The following GYS2 variants were observed in gnomAD, a reference collection of about 807,000 sequenced individuals.
The protein encoded by GYS2 is glycogen [starch] synthase, liver.
A neutral mutation model predicts 85.6 loss-of-function variants in GYS2; 80 were observed. The observed-to-expected ratio is 0.93, with a 90% CI of 0.78 to 1.13. GYS2 has a LOEUF of 1.13. GYS2 is among the 50% of genes most tolerant of loss of function. The pLI is 0.00. For missense variants in GYS2, 881 were observed against 854.9 expected, an observed-to-expected ratio of 1.03 and a Z score of -0.38; for synonymous variants, 328 against 300.7, an observed-to-expected ratio of 1.09 and a Z score of -0.94.
chr12:21,602,036 C>A (rs118109038), intron 1 of GYS2, among the ~76,000 whole-genome samples: 10 of 152,002 alleles, frequency 6.6e-5, no homozygotes, highest in Non-Finnish European at 1.5e-4. Context: ...TCCTAAGAAA[C>A]CTTTTGTTTT....
chr12:21,574,937 T>C (rs1217943234), intron 3 of GYS2, among the ~76,000 whole-genome samples: 1 of 152,024 alleles, frequency 6.6e-6, no homozygotes, highest in Admixed American at 6.5e-5. Context: ...AAAGTGACTT[T>C]TACAATATCA....
rs1275709125 is a variant in GYS2 at position 21,546,339 on chromosome 12, C to A, written c.1549+5G>T. 41 of 1,594,096 alleles carry A rather than the reference C, an allele frequency of 2.6e-5. No homozygotes were observed. Among genetic ancestry groups the A allele is most frequent in the Non-Finnish European group, 3.5e-5 (41 of 1,162,650 alleles). On this transcript the variant is annotated splice_donor_5th_base_variant and intron_variant, in intron 12 of 15. Coordinates refer to ENST00000261195, the MANE Select transcript of GYS2 (RefSeq NM_021957.4). ...AACATTCCACACTCTATACATGACA[C>A]ATACCTGGAGTATAACCCCAGGGTT...
intron 5 of GYS2, among the ~76,000 whole-genome samples, chr12:21,565,428 T>C (rs1189467681): frequency 4.8e-5 from 6 of 123,890 alleles, no homozygotes; most frequent in Non-Finnish European, 8.9e-5. Flanking sequence ...TATATATATA[T>C]ATATATGGAT....
intron 1 of GYS2, among the ~76,000 whole-genome samples, chr12:21,597,647 C>T (rs1944711413): frequency 6.6e-6 from 1 of 151,892 alleles, no homozygotes; most frequent in Admixed American, 6.6e-5. Context: ...TGTAGATTTA[C>T]CAAAAAGCTA....
intron 1 of GYS2, among the ~76,000 whole-genome samples, chr12:21,602,494 C>G (rs1199036582): frequency 6.6e-6 from 1 of 151,898 alleles, no homozygotes; most frequent in African/African-American, 2.4e-5. Context: ...GGAATAAACA[C>G]AATAATTATC....
At position 21,604,758 on chromosome 12, in the gene GYS2, A is replaced by G; in HGVS notation, c.-166T>C. 7.0e-7 allele frequency: 1 copy of G among 1,430,820 alleles called. No homozygotes were observed. The highest frequency in any genetic ancestry group is 9.2e-7 in the Non-Finnish European group (1 of 1,087,834). 88.6% of individuals were successfully genotyped at this position (1,430,820 alleles called of 1,614,324 possible). ...GCATGAAATCTTATGTGCTTCCCAC[A>G]GAATTCCTGGTGGAAGGAGGAATTC... On this transcript the variant is annotated 5_prime_UTR_variant, in exon 1 of 16. Transcript: ENST00000261195.
intron 4 of GYS2, 62 bp downstream of exon 4, chr12:21,574,082 T>C (rs1944416312): frequency 1.6e-6 from 2 of 1,283,946 alleles, no homozygotes; most frequent in Admixed American, 1.7e-5. Context: ...TCAATACTTA[T>C]CTTTCAGCTT....
chr12:21,575,296 C>T (rs1944432121), intron 3 of GYS2, among the ~76,000 whole-genome samples: 1 of 152,104 alleles, frequency 6.6e-6, no homozygotes, highest in Admixed American at 6.6e-5. Flanking sequence ...GGTGGGCATC[C>T]GTATCTTTGC....
intron 11 of GYS2, among the ~76,000 whole-genome samples, chr12:21,548,327 AC>A (rs1248121337): frequency 6.6e-6 from 1 of 152,168 alleles, no homozygotes; most frequent in Non-Finnish European, 1.5e-5. Context: ...TACTCCCACT[AC>A]CACCAAGGCC....
intron 1 of GYS2, among the ~76,000 whole-genome samples, chr12:21,596,677 TGAG>T (rs1178347641): frequency 2.6e-5 from 4 of 152,132 alleles, no homozygotes; most frequent in African/African-American, 9.7e-5. Flanking sequence ...GCATTCCCTC[TGAG>T]AACTGGAACA....
chr12:21,540,199 G>C (rs1943955718), intron 14 of GYS2, among the ~76,000 whole-genome samples: 1 of 152,148 alleles, frequency 6.6e-6, no homozygotes, highest in Non-Finnish European at 1.5e-5. Flanking sequence ...AGATCCTGAT[G>C]GACTTGCTAT....
At chr12:21,543,871 C>T (rs971530650) in intron 12 of GYS2, among the ~76,000 whole-genome samples, 1 of 152,096 alleles carries the variant, frequency 6.6e-6, no homozygotes, top group African/African-American at 2.4e-5. Flanking sequence ...TGTTAGTTTG[C>T]TGAGGATGAT....
At chr12:21,560,818 ATGACACTG>A (rs1944244461) in intron 7 of GYS2, among the ~76,000 whole-genome samples, 1 of 152,204 alleles carries the variant, frequency 6.6e-6, no homozygotes, top group African/African-American at 2.4e-5. Context: ...ATTGCTATTG[ATGACACTG>A]TGCTTTTCTG....
chr12:21,571,482 A>G lies in GYS2; in HGVS notation c.679-2473T>C, dbSNP rs573922470. ...GAAAAACAAAAAATGGGTAAAGTACATATTAATCAATAAAACACAGTCCAG... is the reference window on the plus strand; with the variant it reads ...GAAAAACAAAAAATGGGTAAAGTACGTATTAATCAATAAAACACAGTCCAG... On this transcript the variant is annotated intron_variant, in intron 4 of 15. Transcript: ENST00000261195. Among the ~76,000 whole-genome samples the G allele has an allele frequency of 9.8e-5, 15 of 152,336 alleles. No homozygotes were observed. The East Asian group carries it at 2.5e-3, about 25-fold the overall frequency.
intron 1 of GYS2, among the ~76,000 whole-genome samples, chr12:21,592,116 T>A (rs1387757580): frequency 2.4e-4 from 23 of 95,882 alleles, no homozygotes; most frequent in African/African-American, 3.3e-4. Flanking sequence ...CTACAGAAAA[T>A]CACCAAACCA....
At chr12:21,548,748 T>A (rs1944071593) in intron 11 of GYS2, among the ~76,000 whole-genome samples, 1 of 152,150 alleles carries the variant, frequency 6.6e-6, no homozygotes, top group Non-Finnish European at 1.5e-5. Flanking sequence ...TAAAAATGTA[T>A]ATATACAGTA....
rs79394775 is a variant in GYS2 at position 21,547,384 on chromosome 12, G to A, written c.1423-914C>T. On this transcript the variant is annotated intron_variant, in intron 11 of 15. Transcript: ENST00000261195. ...GAAGCAACACAGATGTCCTTCAGTA[G>A]GTGAATGAATACATAAATTGTGGTA... 1.9e-3 allele frequency among the ~76,000 whole-genome samples: 290 copies of A among 152,222 alleles called. 6 individuals carry two copies. In the East Asian group the frequency reaches 0.047, roughly 25 times the overall value.
At position 21,576,077 on chromosome 12, in the gene GYS2, G is replaced by A. The variant is rs747759554; in HGVS notation, c.304-20C>T. On this transcript the variant is annotated intron_variant, in intron 2 of 15. Transcript: ENST00000261195. ...ATGCACCTGTCATATAAAGAACACA[G>A]CCATGTAGTGATATTAAGTCATGCA... is the stretch of plus-strand genomic sequence containing the variant. 26 of 1,590,060 alleles carry A rather than the reference G, an allele frequency of 1.6e-5. No homozygotes were observed. The South Asian group carries it at 2.2e-4, about 13-fold the overall frequency.
chr12:21,565,045 G>A (rs565145660), intron 5 of GYS2, among the ~76,000 whole-genome samples: 68 of 151,848 alleles, frequency 4.5e-4, no homozygotes, highest in Non-Finnish European at 8.7e-4. Flanking sequence ...GTAATCCTCA[G>A]CAGTTTTCCA....
Sources: allele counts gnomAD v4.1 joint callset (sites outside exome capture counted in the v4.1 genomes callset), GRCh38; gene constraint gnomAD v4.1.1; transcripts MANE v1.5; gene names NCBI Gene and HGNC (gene_info 2026-07-23, HGNC 2026-07-21).